Variants in GARRE1 observed in about 807,000 individuals in gnomAD.
GARRE1 encodes granule associated Rac and RHOG effector 1.
A neutral mutation model predicts 103.2 loss-of-function variants in GARRE1; 49 were observed. The observed-to-expected ratio is 0.47, with a 90% CI of 0.38 to 0.60. The LOEUF is 0.60. GARRE1 is among the 20% of genes least tolerant of loss of function. The probability of loss-of-function intolerance (pLI) is 0.00; values close to 1 mark genes in which losing one functional copy is unlikely to be tolerated. For missense variants in GARRE1, 1,199 were observed against 1,370.5 expected (o/e 0.87, Z 1.98); for synonymous variants, 505 against 532.8 (o/e 0.95, Z 0.72).
At chr19:34,339,378 G>A (rs1462806316) in intron 8 of GARRE1, among the ~76,000 whole-genome samples, 2 of 152,214 alleles carry the variant, frequency 1.3e-5, no homozygotes, top group African/African-American at 4.8e-5. Context: ...AGCAGATACA[G>A]ATTAACAGCC....
intron 1 of GARRE1, among the ~76,000 whole-genome samples, chr19:34,280,586 G>A (rs1443509361): frequency 6.6e-6 from 1 of 152,088 alleles, no homozygotes; most frequent in African/African-American, 2.4e-5. Context: ...TTTGTTGCCT[G>A]TGCTTTTCGT....
At chr19:34,258,740 A>C (rs2073692164) in intron 1 of GARRE1, among the ~76,000 whole-genome samples, 2 of 151,994 alleles carry the variant, frequency 1.3e-5, no homozygotes, top group South Asian at 4.2e-4. Context: ...CAGTGAGCTG[A>C]GATCGTGCCA....
intron 9 of GARRE1, among the ~76,000 whole-genome samples, chr19:34,340,729 G>C (rs1040754290): frequency 5.3e-5 from 8 of 152,048 alleles, no homozygotes; most frequent in Admixed American, 1.3e-4. Flanking sequence ...CGCTGTGTTG[G>C]CCAGGCTGGT....
chr19:34,260,542 T>C (rs2073711052), intron 1 of GARRE1, among the ~76,000 whole-genome samples: 1 of 152,126 alleles, frequency 6.6e-6, no homozygotes, highest in Non-Finnish European at 1.5e-5. Flanking sequence ...TTTTATTTTA[T>C]TATTATACTT....
intron 2 of GARRE1, among the ~76,000 whole-genome samples, chr19:34,317,758 T>G (rs2074066625): frequency 6.6e-6 from 1 of 152,210 alleles, no homozygotes; most frequent in South Asian, 2.1e-4. Context: ...GAAGGGAGGA[T>G]GACCTCATAG....
At chr19:34,273,272 A>C (rs931364526) in intron 1 of GARRE1, among the ~76,000 whole-genome samples, 2 of 152,204 alleles carry the variant, frequency 1.3e-5, no homozygotes, top group East Asian at 3.8e-4. Flanking sequence ...ACCCACAGTT[A>C]ATGTCAGCTG....
intron 2 of GARRE1, among the ~76,000 whole-genome samples, chr19:34,318,213 G>C (rs971211518): frequency 1.3e-5 from 2 of 152,228 alleles, no homozygotes; most frequent in African/African-American, 4.8e-5. Context: ...TCTGACTCTT[G>C]GGAACTGAGA....
rs774960852 is a variant in GARRE1, at chr19:34,341,991, C to T, written c.2057C>T (p.Ala686Val). Reference protein sequence around the residue: ...TAMVTEQKAGAMQPQQPSLPV... With the variant: ...TAMVTEQKAGVMQPQQPSLPV... ...ATGGTGACTGAGCAGAAGGCAGGAG[C>T]CATGCAACCACAGCAGCCGTCACTG... The change falls in exon 10 of 14, where the codon GCC becomes GTC. Residue 686 changes from alanine to valine, a missense_variant. By Grantham distance (64) the Ala-to-Val change is moderately conservative (BLOSUM62 0). Transcript: ENST00000299505. 2.9e-5 allele frequency: 46 copies of T among 1,614,020 alleles called. No individual in the cohort carries two copies. The highest frequency in any genetic ancestry group is 8.3e-5 in the Admixed American group (5 of 60,012).
At chr19:34,322,877 C>CG (rs2074095626) in intron 3 of GARRE1, among the ~76,000 whole-genome samples, 1 of 151,746 alleles carries the variant, frequency 6.6e-6, no homozygotes, top group African/African-American at 2.4e-5. Context: ...TGTGAGTCAC[C>CG]CACCTGGGCC....
chr19:34,302,055 A>G (rs1308258652), intron 2 of GARRE1, among the ~76,000 whole-genome samples: 4 of 131,912 alleles, frequency 3.0e-5, no homozygotes, highest in African/African-American at 8.7e-5. Flanking sequence ...CAATAGTGCA[A>G]TCTTGGCTCA....
chr19:34,310,814 C>A (rs1260467583), intron 2 of GARRE1, among the ~76,000 whole-genome samples: 2 of 152,146 alleles, frequency 1.3e-5, no homozygotes, highest in African/African-American at 4.8e-5. Flanking sequence ...GCACCCAGCT[C>A]ACTGTGCCAG....
chr19:34,282,211 G>A (rs1014780956), intron 1 of GARRE1, among the ~76,000 whole-genome samples: 2 of 151,640 alleles, frequency 1.3e-5, no homozygotes, highest in African/African-American at 2.4e-5. Context: ...GAATGCAATA[G>A]TGCGATCTCG....
At chr19:34,319,842 A>C in intron 2 of GARRE1, 65 bp from the exon 3 acceptor site, 3 of 1,446,026 alleles carry the variant, frequency 2.1e-6, no homozygotes, top group Non-Finnish European at 2.9e-6. Flanking sequence ...GGTCATTGAA[A>C]ATTTACTGCG....
intron 3 of GARRE1, among the ~76,000 whole-genome samples, chr19:34,323,775 T>C (rs1017290821): frequency 2.6e-5 from 4 of 152,176 alleles, no homozygotes; most frequent in Non-Finnish European, 5.9e-5. Flanking sequence ...AGACAACTCA[T>C]GCTGAGGACC....
At chr19:34,257,535 T>G (rs1055286137) in intron 1 of GARRE1, among the ~76,000 whole-genome samples, 7 of 152,036 alleles carry the variant, frequency 4.6e-5, no homozygotes, top group African/African-American at 1.4e-4. Flanking sequence ...AACTTTGTCC[T>G]TAGTGAAAAA....
intron 2 of GARRE1, among the ~76,000 whole-genome samples, chr19:34,302,136 A>G (rs2073982799): frequency 6.7e-6 from 1 of 148,782 alleles, no homozygotes. Context: ...GATTACAGGC[A>G]TGCGCCACCA....
intron 3 of GARRE1, among the ~76,000 whole-genome samples, chr19:34,323,104 C>T (rs1183826364): frequency 7.7e-6 from 1 of 130,120 alleles, no homozygotes; most frequent in African/African-American, 2.9e-5. Flanking sequence ...GATGTTGGCT[C>T]ACTGCAGGCT....
chr19:34,256,552 CTCA>C, intron 1 of GARRE1, among the ~76,000 whole-genome samples: 1 of 151,316 alleles, frequency 6.6e-6, no homozygotes, highest in East Asian at 1.9e-4. Context: ...ATGTTTGCGT[CTCA>C]TCGTTTCATG....
rs1043074593 is a variant in GARRE1 at position 34,355,265 on chromosome 19, CTG to C, written c.*2315_*2316del. ...AATTGCATCTCCATGGGCTGTGAGA[CTG>C]TGTGAAGCCGTTTGTGTGGTCTCCA... On this transcript the variant is annotated 3_prime_UTR_variant, in exon 14 of 14. Transcript: ENST00000299505. The C allele has an allele frequency of 7.0e-4, 107 of 152,782 alleles. 2 individuals carry two copies. Among genetic ancestry groups the C allele is most frequent in the African/African-American group, 2.4e-3 (98 of 41,586 alleles). 9.5% of individuals were successfully genotyped at this position (152,782 alleles called of 1,614,324 possible). A position where few individuals can be genotyped will look rare whatever the true frequency, so the allele number is the denominator to read the frequency against.
Sources: gnomAD v4.1 joint callset for allele counts (sites outside exome capture counted in the v4.1 genomes callset) on GRCh38, gnomAD v4.1.1 for gene constraint, MANE v1.5 for transcripts, NCBI Gene and HGNC (gene_info 2026-07-23, HGNC 2026-07-21) for gene names.